Variants in GRIK1 observed in about 807,000 individuals in gnomAD.
The protein encoded by GRIK1 is glutamate ionotropic receptor kainate type subunit 1.
A neutral mutation model predicts 105.7 loss-of-function variants in GRIK1; 69 were observed. That is an observed-to-expected ratio of 0.65 (90% CI 0.54 to 0.80). GRIK1 has a LOEUF of 0.80. GRIK1 is among the 30% of genes least tolerant of loss of function. The pLI, the probability that GRIK1 is intolerant of heterozygous loss-of-function variation, is 0.00. For missense variants in GRIK1, 1,109 were observed against 1,167.3 expected (o/e 0.95, Z 0.73); for synonymous variants, 438 against 431.3 (o/e 1.02, Z -0.19).
At chr21:29,845,038 C>T (rs1442875996) in intron 1 of GRIK1, among the ~76,000 whole-genome samples, 1 of 152,116 alleles carries the variant, frequency 6.6e-6, no homozygotes, top group Non-Finnish European at 1.5e-5. Context: ...TTATTCCTTC[C>T]TGCATGCTCA....
intron 1 of GRIK1, among the ~76,000 whole-genome samples, chr21:29,888,440 C>CT (rs2069760551): frequency 6.6e-6 from 1 of 150,796 alleles, no homozygotes; most frequent in East Asian, 2.0e-4. Flanking sequence ...AATTTTTGTA[C>CT]TTTTTTGTAC....
At chr21:29,789,870 T>C (rs2066363599) in intron 1 of GRIK1, among the ~76,000 whole-genome samples, 1 of 152,182 alleles carries the variant, frequency 6.6e-6, no homozygotes, top group Non-Finnish European at 1.5e-5. Context: ...GTTGTGAACT[T>C]TAAAAGGGTA....
intron 16 of GRIK1, among the ~76,000 whole-genome samples, chr21:29,545,018 G>A (rs984802466): frequency 3.9e-5 from 6 of 152,238 alleles, no homozygotes; most frequent in Admixed American, 3.9e-4. Flanking sequence ...AGTTAATGGA[G>A]CAGAGAAGTG....
chr21:29,771,975 T>A (rs2065824632), intron 1 of GRIK1, among the ~76,000 whole-genome samples: 1 of 152,234 alleles, frequency 6.6e-6, no homozygotes, highest in Non-Finnish European at 1.5e-5. Flanking sequence ...TTCTTTTTAG[T>A]TGATGCCAAG....
chr21:29,875,470 T>C (rs1294924162), intron 1 of GRIK1, among the ~76,000 whole-genome samples: 2 of 152,114 alleles, frequency 1.3e-5, no homozygotes, highest in Admixed American at 6.5e-5. Flanking sequence ...TAAAGCCCAA[T>C]ACCTTTGCAC....
chr21:29,798,424 C>A (rs897740993), intron 1 of GRIK1, among the ~76,000 whole-genome samples: 1 of 152,222 alleles, frequency 6.6e-6, no homozygotes, highest in Non-Finnish European at 1.5e-5. Context: ...TAACTTTAAA[C>A]ACACAAGTTC....
intron 5 of GRIK1, among the ~76,000 whole-genome samples, 193 bp from the exon 6 acceptor site, chr21:29,651,484 A>G (rs1450354503): frequency 1.3e-5 from 2 of 152,158 alleles, no homozygotes; most frequent in Non-Finnish European, 2.9e-5. Context: ...GAAATAAGCA[A>G]TTCATAATTT....
At chr21:29,938,698 G>A (rs1038967518) in intron 1 of GRIK1, among the ~76,000 whole-genome samples, 1 of 152,152 alleles carries the variant, frequency 6.6e-6, no homozygotes, top group African/African-American at 2.4e-5. Flanking sequence ...AGGCAAGCGG[G>A]CAAATTAGGG....
chr21:29,848,779 A>ATTTTTTTT lies in GRIK1; in HGVS notation c.118+90596_118+90603dup, dbSNP rs1555898508. Among the ~76,000 whole-genome samples the ATTTTTTTT allele has an allele frequency of 6.4e-3, 499 of 77,846 alleles. 4 individuals carry two copies. Among genetic ancestry groups the ATTTTTTTT allele is most frequent in the East Asian group, 0.021 (54 of 2,596 alleles). 51.1% of individuals were successfully genotyped at this position (77,846 alleles called of 152,430 possible). The stretch of plus-strand genomic sequence containing the variant: ...TGTATATATATATATATATATATAT[A>ATTTTTTTT]TTTTTTTTTTTTTCCACGATCTTCA... On this transcript the variant is annotated intron_variant, in intron 1 of 17. Transcript: ENST00000327783.
In GRIK1 at chr21:29,709,813, CCTT is replaced by C. The variant is rs983744058; in HGVS notation, c.119-15753_119-15751del. Among the ~76,000 whole-genome samples the C allele has an allele frequency of 2.7e-3, 411 of 151,652 alleles. 4 individuals are homozygous for C. Among genetic ancestry groups the C allele is most frequent in the African/African-American group, 9.5e-3 (392 of 41,382 alleles). On this transcript the variant is annotated intron_variant, in intron 1 of 17. Coordinates refer to ENST00000327783, the MANE Select transcript of GRIK1 (RefSeq NM_001330994.2). ...GTGTGTGTCTATTTACATTGGCTCA[CCTT>C]CTCACATTATGAAATACTTTAATTT...
At chr21:29,913,282 A>C (rs1200249028) in intron 1 of GRIK1, among the ~76,000 whole-genome samples, 1 of 151,916 alleles carries the variant, frequency 6.6e-6, no homozygotes, top group Non-Finnish European at 1.5e-5. Context: ...AGTAATGAAA[A>C]CCTGTCTTGA....
chr21:29,596,218 CCTT>C (rs1601215291), intron 9 of GRIK1: 5 of 463,392 alleles, frequency 1.1e-5, no homozygotes, highest in South Asian at 8.0e-5. Flanking sequence ...GTCAGTGTCT[CCTT>C]CTGTTACAGT....
intron 1 of GRIK1, among the ~76,000 whole-genome samples, chr21:29,776,748 A>C (rs2065954401): frequency 6.6e-6 from 1 of 151,866 alleles, no homozygotes; most frequent in African/African-American, 2.4e-5. Flanking sequence ...TTCAATGAAA[A>C]CCTCTTTGCA....
intron 1 of GRIK1, among the ~76,000 whole-genome samples, chr21:29,737,340 G>A (rs1401273093): frequency 6.6e-6 from 1 of 152,126 alleles, no homozygotes; most frequent in East Asian, 1.9e-4. Context: ...GATTTTATTG[G>A]GTAATGTTTC....
At chr21:29,894,067 G>C (rs771642550) in intron 1 of GRIK1, among the ~76,000 whole-genome samples, 3 of 152,204 alleles carry the variant, frequency 2.0e-5, no homozygotes, top group Non-Finnish European at 4.4e-5. Context: ...ATGAGGAATA[G>C]TGAGAGGTAG....
rs1276722674 is a variant in GRIK1 at position 29,661,823 on chromosome 21, T to C, written c.727-6960A>G. On this transcript the variant is annotated intron_variant, in intron 4 of 17. Transcript: ENST00000327783. ...ACATGTATCAAGAGGAAAAATTGAC[T>C]TTTTTCATTTGAGGTTGACAACTTG... 1.6e-4 allele frequency among the ~76,000 whole-genome samples: 24 copies of C among 152,206 alleles called. 1 individual carries two copies. Among genetic ancestry groups the C allele is most frequent in the Admixed American group, 1.2e-3 (19 of 15,278 alleles).
chr21:29,548,212 C>T (rs1021710496), intron 16 of GRIK1, among the ~76,000 whole-genome samples: 1 of 152,104 alleles, frequency 6.6e-6, no homozygotes, highest in Non-Finnish European at 1.5e-5. Flanking sequence ...GGGCCATTAG[C>T]CGTATTTGGG....
intron 16 of GRIK1, among the ~76,000 whole-genome samples, chr21:29,544,156 G>A (rs1312618202): frequency 6.6e-6 from 1 of 152,090 alleles, no homozygotes; most frequent in Admixed American, 6.6e-5. Context: ...GAGGGTCACA[G>A]GGTTACTCCA....
intron 1 of GRIK1, among the ~76,000 whole-genome samples, chr21:29,757,687 A>G (rs2065386152): frequency 1.3e-5 from 2 of 152,228 alleles, no homozygotes; most frequent in Admixed American, 1.3e-4. Context: ...TTTCCCCCAG[A>G]GGACTTAACT....
Sources: allele counts gnomAD v4.1 joint callset (sites outside exome capture counted in the v4.1 genomes callset), GRCh38; gene constraint gnomAD v4.1.1; transcripts MANE v1.5; gene names NCBI Gene and HGNC (gene_info 2026-07-23, HGNC 2026-07-21).